Variants in ELAVL4 observed in about 807,000 individuals in gnomAD.
ELAVL4 encodes the protein ELAV like RNA binding protein 4.
In ELAVL4, 1 loss-of-function variant was observed where a neutral mutation model predicts 35.6. That is an observed-to-expected ratio of 0.03 (90% confidence interval 0.01 to 0.13). The LOEUF is 0.13. ELAVL4 is among the 10% of genes least tolerant of loss of function. ELAVL4 has a pLI of 1.00. For missense variants in ELAVL4, 267 were observed against 464.9 expected, an observed-to-expected ratio of 0.57 and a Z score of 3.91; for synonymous variants, 156 against 171.0, an observed-to-expected ratio of 0.91 and a Z score of 0.69.
At chr1:50,138,071 C>T (rs936598291) in intron 1 of ELAVL4, among the ~76,000 whole-genome samples, 1 of 152,104 alleles carries the variant, frequency 6.6e-6, no homozygotes, top group Admixed American at 6.5e-5. Context: ...GTGGAGGGGC[C>T]GAGTGAAGAT....
intron 2 of ELAVL4, among the ~76,000 whole-genome samples, chr1:50,170,318 G>A (rs1002886191): frequency 1.3e-5 from 2 of 152,146 alleles, no homozygotes; most frequent in Non-Finnish European, 2.9e-5. Context: ...GGAGCAGAAA[G>A]ACGCAAAGTA....
intron 1 of ELAVL4, among the ~76,000 whole-genome samples, chr1:50,132,998 T>C (rs937594312): frequency 7.2e-5 from 11 of 152,332 alleles, no homozygotes; most frequent in African/African-American, 2.6e-4. Flanking sequence ...ATTGATCATA[T>C]ACATTTTCTC....
At chr1:50,118,944 A>AAG (rs57074113) in intron 1 of ELAVL4, among the ~76,000 whole-genome samples, 23,854 of 113,722 alleles carry the variant, frequency 0.21, 3,903 homozygotes, top group African/African-American at 0.3. Flanking sequence ...TAAAAAAAGA[A>AAG]AGAGAGAGAG....
At chr1:50,095,794 C>A (rs1260572571) in intron 1 of ELAVL4, among the ~76,000 whole-genome samples, 1 of 152,148 alleles carries the variant, frequency 6.6e-6, no homozygotes, top group South Asian at 2.1e-4. Flanking sequence ...GGGGGCAAAC[C>A]GTCACATTAT....
intron 2 of ELAVL4, among the ~76,000 whole-genome samples, chr1:50,156,473 G>C (rs150314452): frequency 6.6e-6 from 1 of 152,282 alleles, no homozygotes; most frequent in East Asian, 1.9e-4. Context: ...GGAGGAGAGG[G>C]AAGGTGGATG....
intron 1 of ELAVL4, among the ~76,000 whole-genome samples, chr1:50,142,164 A>C (rs898109136): frequency 1.3e-5 from 2 of 152,192 alleles, no homozygotes; most frequent in African/African-American, 4.8e-5. Context: ...AACCTGCCTC[A>C]GATCACACAG....
At chr1:50,151,573 T>C (rs1386660898) in intron 2 of ELAVL4, among the ~76,000 whole-genome samples, 1 of 152,188 alleles carries the variant, frequency 6.6e-6, no homozygotes, top group South Asian at 2.1e-4. Flanking sequence ...CCCAAGATAT[T>C]GATTAGCTAA....
chr1:50,123,848 G>A (rs1338418879), intron 1 of ELAVL4, among the ~76,000 whole-genome samples: 1 of 152,078 alleles, frequency 6.6e-6, no homozygotes, highest in Non-Finnish European at 1.5e-5. Flanking sequence ...AGAAAGGCTT[G>A]CCTTAACTCA....
chr1:50,200,945 C>T lies in ELAVL4; in HGVS notation c.868C>T (p.Leu290=), dbSNP rs267598640. Residue 290 remains leucine, a synonymous_variant, in exon 7 of 7, where the codon CTG becomes TTG. Transcript: ENST00000371824. The stretch of plus-strand genomic sequence containing the variant: ...TGGGTGGTGCATCTTTGTCTACAAC[C>T]TGTCCCCCGATTCCGATGAGAGTGT... The part of the protein sequence containing the change: ...GTGWCIFVYN[L]SPDSDESVLW... The T allele has an allele frequency of 5.6e-6, 9 of 1,614,124 alleles. No homozygotes were observed. In the South Asian group the frequency reaches 9.9e-5, roughly 18 times the overall value.
At chr1:50,114,564 A>C (rs1438305180) in intron 1 of ELAVL4, among the ~76,000 whole-genome samples, 3 of 152,136 alleles carry the variant, frequency 2.0e-5, no homozygotes, top group African/African-American at 7.2e-5. Context: ...GGAAGACAAG[A>C]GTGTAGAAGA....
chr1:50,097,069 A>T (rs1046432121), intron 1 of ELAVL4, among the ~76,000 whole-genome samples: 1 of 152,076 alleles, frequency 6.6e-6, no homozygotes, highest in African/African-American at 2.4e-5. Context: ...TAAAAATAAA[A>T]ATTAGCTGGG....
intron 2 of ELAVL4, among the ~76,000 whole-genome samples, chr1:50,154,176 A>C (rs1196567873): frequency 6.6e-6 from 1 of 152,224 alleles, no homozygotes; most frequent in African/African-American, 2.4e-5. Flanking sequence ...TAATTTATCC[A>C]GGGTCACAGT....
At chr1:50,133,241 T>G (rs1671164578) in intron 1 of ELAVL4, among the ~76,000 whole-genome samples, 1 of 152,208 alleles carries the variant, frequency 6.6e-6, no homozygotes, top group Non-Finnish European at 1.5e-5. Flanking sequence ...TAAGAAGAGA[T>G]GTGCCAATTT....
At chr1:50,102,095 G>A (rs1195342779), upstream of ELAVL4, among the ~76,000 whole-genome samples, 1 of 152,066 alleles carries the variant, frequency 6.6e-6, no homozygotes, top group African/African-American at 2.4e-5. Flanking sequence ...AGACCATCCT[G>A]GCTAACACGG....
At chr1:50,073,265 A>C (rs1664613306) in intron 1 of ELAVL4, among the ~76,000 whole-genome samples, 1 of 152,128 alleles carries the variant, frequency 6.6e-6, no homozygotes, top group Non-Finnish European at 1.5e-5. Context: ...CCTCAACTTC[A>C]TATTTGGCCA....
intron 1 of ELAVL4, among the ~76,000 whole-genome samples, chr1:50,097,235 A>C (rs376365255): frequency 2.5e-4 from 38 of 152,168 alleles, no homozygotes; most frequent in African/African-American, 9.2e-4. Context: ...GAAAGAAAAA[A>C]CAAAACCTCT....
intron 3 of ELAVL4, 68 bp from the exon 4 acceptor site, chr1:50,193,697 T>C (rs954911282): frequency 5.8e-6 from 9 of 1,541,038 alleles, no homozygotes; most frequent in African/African-American, 1.4e-5. Context: ...TCATCTTGGT[T>C]GTGGACTCAG....
At chr1:50,094,635 A>C (rs552239719) in intron 1 of ELAVL4, among the ~76,000 whole-genome samples, 1 of 152,062 alleles carries the variant, frequency 6.6e-6, no homozygotes, top group South Asian at 2.1e-4. Flanking sequence ...GCTGGGTGTG[A>C]TGGCTCATGC....
Position 50,152,161 on chromosome 1 carries a change from A to G in ELAVL4, c.250+6964A>G, listed in dbSNP as rs936713881. Among the ~76,000 whole-genome samples, 7 of 152,116 alleles carry G rather than the reference A, an allele frequency of 4.6e-5. No individual in the cohort carries two copies. In the South Asian group the frequency reaches 8.3e-4, roughly 18 times the overall value. On this transcript the variant is annotated intron_variant, in intron 2 of 6. Coordinates refer to ENST00000371824, the MANE Select transcript of ELAVL4 (RefSeq NM_001144774.3). ...CTGTAGTCAGGATTACAGACCAGGT[A>G]TGGTTTCCTTTTGCCTCCTGGCTGT...
Sources: allele counts gnomAD v4.1 joint callset (sites outside exome capture counted in the v4.1 genomes callset), GRCh38; gene constraint gnomAD v4.1.1; transcripts MANE v1.5; gene names NCBI Gene and HGNC (gene_info 2026-07-23, HGNC 2026-07-21).